Variants in TDP2 observed in about 807,000 individuals in gnomAD.
The protein encoded by TDP2 is tyrosyl-DNA phosphodiesterase 2, also known as 5'-Tyr-DNA phosphodiesterase.
A neutral mutation model predicts 42.8 loss-of-function variants in TDP2; 38 were observed. That is an observed-to-expected ratio of 0.89 (90% CI 0.68 to 1.16). The LOEUF (loss-of-function observed/expected upper bound fraction) is 1.16, where lower values mean the gene tolerates loss of function less well. TDP2 is among the 50% of genes most tolerant of loss of function. The probability of loss-of-function intolerance (pLI) is 0.00; values close to 1 mark genes in which losing one functional copy is unlikely to be tolerated. For synonymous variants in TDP2, 173 were observed against 150.6 expected (o/e 1.15, Z -1.09); for missense variants, 439 against 439.3 (o/e 1.00, Z 0.01).
chr6:24,651,221 C>T (rs1333675604), intron 6 of TDP2, 152 bp from the exon 7 acceptor site: 1 of 671,360 alleles, frequency 1.5e-6, no homozygotes, highest in African/African-American at 1.8e-5. Context: ...AAGTACTATG[C>T]TGCATAGTGG....
At chr6:24,658,367 C>G (rs1778089514) in intron 3 of TDP2, among the ~76,000 whole-genome samples, 194 bp downstream of exon 3, 1 of 152,208 alleles carries the variant, frequency 6.6e-6, no homozygotes, top group African/African-American at 2.4e-5. Context: ...TAAAAGGCTT[C>G]TAACGAAAAT....
At chr6:24,666,013 G>T in intron 2 of TDP2, 3 of 1,426,068 alleles carry the variant, frequency 2.1e-6, no homozygotes, top group Non-Finnish European at 2.8e-6. Flanking sequence ...CCAAATAGTA[G>T]AGGGCCTTGT....
intron 2 of TDP2, among the ~76,000 whole-genome samples, chr6:24,659,713 T>C (rs1778112149): frequency 6.6e-6 from 1 of 152,208 alleles, no homozygotes; most frequent in African/African-American, 2.4e-5. Context: ...TGCAAATTCT[T>C]TGCTACTCCC....
chr6:24,666,688 G>A lies in TDP2; in HGVS notation c.165+10C>T, dbSNP rs141964303. On this transcript the variant is annotated intron_variant, in intron 1 of 6. Transcript: ENST00000378198. ...TAATGGAGCCGGAAGCGAGGACAGC[G>A]AAAGCGTACTTCCATCTCCCAGTCG... 30 of 1,614,212 alleles carry A rather than the reference G, an allele frequency of 1.9e-5. No individual in the cohort carries two copies. The African/African-American group carries it at 3.2e-4, about 17-fold the overall frequency.
At chr6:24,654,606 GA>G (rs1753427277) in intron 4 of TDP2, 76 bp from the exon 5 acceptor site, 2 of 778,928 alleles carry the variant, frequency 2.6e-6, no homozygotes, top group Middle Eastern at 2.3e-4. Context: ...TTTGCCTATT[GA>G]AGAATTTTAT....
chr6:24,650,670 G>T lies in TDP2; in HGVS notation c.*118C>A. 5.2e-6 allele frequency: 5 copies of T among 952,650 alleles called. No homozygotes were observed. The highest frequency in any genetic ancestry group is 7.8e-6 in the Non-Finnish European group (5 of 642,778). 59.0% of individuals were successfully genotyped at this position (952,650 alleles called of 1,614,324 possible). A position where few individuals can be genotyped will look rare whatever the true frequency, so the allele number is the denominator to read the frequency against. On this transcript the variant is annotated 3_prime_UTR_variant, in exon 7 of 7. Transcript: ENST00000378198. Reference sequence around the variant, plus strand: ...TCTGAAAACACAACCATAAATCATAGTTGGTTTTTCTGTGACAATGATCTA... The same window carrying T: ...TCTGAAAACACAACCATAAATCATATTTGGTTTTTCTGTGACAATGATCTA...
chr6:24,653,416 G>A (rs1012106661), intron 5 of TDP2, among the ~76,000 whole-genome samples: 9 of 152,108 alleles, frequency 5.9e-5, no homozygotes, highest in African/African-American at 2.2e-4. Flanking sequence ...GGCCATCAGC[G>A]GCTCCCTCCT....
chr6:24,666,346 G>A (rs2127619374), intron 2 of TDP2, 180 bp downstream of exon 2: 6 of 1,473,270 alleles, frequency 4.1e-6, no homozygotes, highest in East Asian at 4.6e-5. Context: ...TGTTAGATCC[G>A]CTGCTGGGGC....
Position 24,650,809 on chromosome 6 carries a change from G to T in TDP2, c.1068C>A (p.Cys356Ter). ...CATTTTACAATATTATATCTAAGTT[G>T]CACAGAAGACCCCAGTGATCACTAG... ...RFPSDHWGLL[C>*]NLDIIL The change falls in exon 7 of 7, where the codon TGC becomes TGA. Residue 356 changes from cysteine to a stop codon, truncating the protein, a stop_gained. Transcript: ENST00000378198. LOFTEE classifies it high-confidence loss of function. The T allele has an allele frequency of 6.2e-7, 1 of 1,614,030 alleles. No homozygotes were observed. Among genetic ancestry groups the T allele is most frequent in the Non-Finnish European group, 8.5e-7 (1 of 1,179,972 alleles).
At position 24,658,745 on chromosome 6, in the gene TDP2, C is replaced by T. The variant is rs1778096356; in HGVS notation, c.252-11G>A. The T allele has an allele frequency of 6.2e-7, 1 of 1,600,166 alleles. No individual in the cohort carries two copies. Among genetic ancestry groups the T allele is most frequent in the East Asian group, 2.2e-5 (1 of 44,586 alleles). ...TTGGTTAGGTCAACACTGGCAAGAT[C>T]AGAATAAAACATGGCTTTGCAAATA... On this transcript the variant is annotated splice_polypyrimidine_tract_variant and intron_variant, in intron 2 of 6. Transcript: ENST00000378198.
At chr6:24,661,180 C>T (rs777684206) in intron 2 of TDP2, among the ~76,000 whole-genome samples, 31 of 152,310 alleles carry the variant, frequency 2.0e-4, no homozygotes, top group African/African-American at 6.7e-4. Context: ...ATTATCAATA[C>T]GGCAGTTCCC....
chr6:24,663,127 A>T (rs904665696), intron 2 of TDP2, among the ~76,000 whole-genome samples: 1 of 152,168 alleles, frequency 6.6e-6, no homozygotes, highest in African/African-American at 2.4e-5. Flanking sequence ...GGAGAGCATG[A>T]TGGTGTCATT....
intron 4 of TDP2, among the ~76,000 whole-genome samples, chr6:24,656,607 C>A (rs1367564870): frequency 3.3e-5 from 5 of 152,076 alleles, no homozygotes; most frequent in Admixed American, 3.3e-4. Flanking sequence ...ACCCTCAAAG[C>A]TTCCAGAGAG....
At chr6:24,661,051 A>G (rs1215848004) in intron 2 of TDP2, among the ~76,000 whole-genome samples, 1 of 152,220 alleles carries the variant, frequency 6.6e-6, no homozygotes, top group African/African-American at 2.4e-5. Flanking sequence ...GTACGAAGTT[A>G]TAATTTTCCC....
At chr6:24,654,307 GA>G (rs1778023694) in intron 5 of TDP2, 104 bp downstream of exon 5, 2 of 570,040 alleles carry the variant, frequency 3.5e-6, no homozygotes, top group African/African-American at 3.9e-5. Flanking sequence ...CTACATGTGT[GA>G]AGCAAATTTT....
rs1425244849 is a variant in TDP2 at position 24,650,821 on chromosome 6, C to T, written c.1056G>A (p.Trp352Ter). ...LDCGRFPSDH[W>*]GLLCNLDIIL The stretch of plus-strand genomic sequence containing the variant: ...TTATATCTAAGTTGCACAGAAGACC[C>T]CAGTGATCACTAGGAAATCTACCAC... The change falls in exon 7 of 7, where the codon TGG (tryptophan) becomes TGA (stop). Residue 352 changes from tryptophan to a stop codon, truncating the protein, a stop_gained. Coordinates refer to ENST00000378198, the MANE Select transcript of TDP2 (RefSeq NM_016614.3). LOFTEE classifies it high-confidence loss of function. The T allele has an allele frequency of 6.2e-7, 1 of 1,614,070 alleles. No individual in the cohort carries two copies. The highest frequency in any genetic ancestry group is 8.5e-7 in the Non-Finnish European group (1 of 1,179,986).
intron 2 of TDP2, among the ~76,000 whole-genome samples, chr6:24,660,968 T>C (rs1212337137): frequency 6.6e-6 from 1 of 152,232 alleles, no homozygotes; most frequent in African/African-American, 2.4e-5. Flanking sequence ...AAGCATCTGA[T>C]ATGGAGCTTT....
intron 2 of TDP2, among the ~76,000 whole-genome samples, chr6:24,662,236 A>C (rs1778162603): frequency 6.6e-6 from 1 of 152,040 alleles, no homozygotes; most frequent in African/African-American, 2.4e-5. Flanking sequence ...CCGACACCCA[A>C]AAAGGGTCTG....
chr6:24,656,763 A>C (rs953000206), intron 4 of TDP2, among the ~76,000 whole-genome samples: 10 of 152,204 alleles, frequency 6.6e-5, no homozygotes, highest in Admixed American at 6.5e-4. Context: ...CAGCCAAACT[A>C]TCAAGAACTA....
Sources: gnomAD v4.1 joint callset for allele counts (sites outside exome capture counted in the v4.1 genomes callset) on GRCh38, gnomAD v4.1.1 for gene constraint, MANE v1.5 for transcripts, NCBI Gene and HGNC (gene_info 2026-07-23, HGNC 2026-07-21) for gene names.